The following SGMS1 variants were observed in gnomAD, a reference collection of about 807,000 sequenced individuals.
SGMS1 encodes the protein phosphatidylcholine:ceramide cholinephosphotransferase 1.
Under a neutral mutation model 46.2 loss-of-function variants are expected in SGMS1, and 13 were observed. That is an observed-to-expected ratio of 0.28 (90% CI 0.18 to 0.45). The LOEUF (loss-of-function observed/expected upper bound fraction) is 0.45, where lower values mean the gene tolerates loss of function less well. Among genes scored for constraint, SGMS1 ranks in the 20% least tolerant of loss-of-function variants. SGMS1 has a pLI of 1.00. For missense variants in SGMS1, 324 were observed against 519.9 expected (o/e 0.62, Z 3.66); for synonymous variants, 203 against 187.8 (o/e 1.08, Z -0.66).
At chr10:50,517,468 C>T (rs1247905489) in intron 3 of SGMS1, among the ~76,000 whole-genome samples, 2 of 151,858 alleles carry the variant, frequency 1.3e-5, no homozygotes, top group African/African-American at 4.8e-5. Context: ...GAACTAAAAG[C>T]TAAATCTTAA....
At chr10:50,581,084 T>C (rs1838429218) in intron 2 of SGMS1, among the ~76,000 whole-genome samples, 1 of 152,166 alleles carries the variant, frequency 6.6e-6, no homozygotes, top group Non-Finnish European at 1.5e-5. Flanking sequence ...GGGACCAAAT[T>C]TTAAGAACTA....
chr10:50,410,369 G>T (rs892241607), intron 6 of SGMS1, among the ~76,000 whole-genome samples: 1 of 152,196 alleles, frequency 6.6e-6, no homozygotes, highest in African/African-American at 2.4e-5. Context: ...GTCCAAGGCT[G>T]TCCTTTAGTC....
chr10:50,333,016 C>T (rs1441585079), intron 7 of SGMS1, among the ~76,000 whole-genome samples: 1 of 152,192 alleles, frequency 6.6e-6, no homozygotes, highest in African/African-American at 2.4e-5. Flanking sequence ...ATTATGTCTG[C>T]TATAATCCTA....
At chr10:50,534,863 C>T (rs1837985852) in intron 2 of SGMS1, among the ~76,000 whole-genome samples, 1 of 152,116 alleles carries the variant, frequency 6.6e-6, no homozygotes, top group Non-Finnish European at 1.5e-5. Flanking sequence ...GTTTTGTATC[C>T]ACAGCAACTC....
At position 50,623,939 on chromosome 10, in the gene SGMS1, C is replaced by G. The variant is rs1410855662; in HGVS notation, c.-916G>C. The G allele has an allele frequency of 2.9e-5, 29 of 986,226 alleles. No individual in the cohort carries two copies. The highest frequency in any genetic ancestry group is 3.4e-5 in the Non-Finnish European group (28 of 830,608). The allele number at this position is 986,226 out of a possible 1,614,324, so 61.1% of individuals were successfully genotyped here. The stretch of plus-strand genomic sequence containing the variant: ...TGGTGCGAACGCTTTCGACTTGCCA[C>G]CGCGAGCCTCCCGGGCTGCCGAGCA... On this transcript the variant is annotated 5_prime_UTR_variant, in exon 1 of 11. Coordinates refer to ENST00000361781, the MANE Select transcript of SGMS1 (RefSeq NM_147156.4).
chr10:50,388,631 A>G (rs1233828000), intron 6 of SGMS1, among the ~76,000 whole-genome samples: 1 of 152,132 alleles, frequency 6.6e-6, no homozygotes, highest in Non-Finnish European at 1.5e-5. Flanking sequence ...AAAACAAAAA[A>G]CAAAAACAGA....
intron 2 of SGMS1, among the ~76,000 whole-genome samples, chr10:50,534,531 G>A (rs1837982910): frequency 6.6e-6 from 1 of 152,176 alleles, no homozygotes; most frequent in Admixed American, 6.5e-5. Context: ...GTTTGACACA[G>A]TTCCAGTTTG....
intron 6 of SGMS1, among the ~76,000 whole-genome samples, chr10:50,426,599 G>C (rs1400419280): frequency 1.3e-5 from 2 of 152,156 alleles, no homozygotes; most frequent in East Asian, 3.8e-4. Context: ...GAAAGCCCCT[G>C]GTCCAAGATG....
intron 1 of SGMS1, among the ~76,000 whole-genome samples, chr10:50,620,561 G>A (rs941466813): frequency 2.0e-5 from 3 of 152,212 alleles, no homozygotes; most frequent in Non-Finnish European, 4.4e-5. Flanking sequence ...AAATGCAACA[G>A]ATTCTTCTGA....
intron 2 of SGMS1, among the ~76,000 whole-genome samples, chr10:50,574,986 A>ATATATATATATATATATATATAT (rs1838370891): frequency 5.8e-5 from 2 of 34,230 alleles, no homozygotes; most frequent in Non-Finnish European, 1.6e-4. Context: ...TATATATATA[A>ATATATATATATATATATATATAT]AACAAAGTAT....
intron 7 of SGMS1, among the ~76,000 whole-genome samples, chr10:50,339,929 T>C (rs1453952908): frequency 1.3e-5 from 2 of 152,200 alleles, no homozygotes; most frequent in East Asian, 1.9e-4. Context: ...GCTAAGGAGC[T>C]GGTTCTCCAT....
intron 5 of SGMS1, among the ~76,000 whole-genome samples, chr10:50,435,204 T>G (rs1015163834): frequency 6.6e-6 from 1 of 152,210 alleles, no homozygotes. Context: ...CCAAGTAATT[T>G]ATTCCTTCTA....
chr10:50,491,935 C>T (rs144247467), intron 3 of SGMS1, among the ~76,000 whole-genome samples: 18 of 152,246 alleles, frequency 1.2e-4, no homozygotes, highest in African/African-American at 4.3e-4. Flanking sequence ...ACTGACAAAC[C>T]AAATCCAGCA....
chr10:50,605,642 A>G (rs184453553), intron 1 of SGMS1, among the ~76,000 whole-genome samples: 44 of 152,360 alleles, frequency 2.9e-4, no homozygotes, highest in Admixed American at 2.0e-4. Context: ...AACACTGTTC[A>G]AAGTGGTGGG....
At chr10:50,330,643 T>G (rs10825753) in intron 7 of SGMS1, among the ~76,000 whole-genome samples, 25,973 of 152,280 alleles carry the variant, frequency 0.17, 2,465 homozygotes, top group Admixed American at 0.23. Flanking sequence ...CCTGGCCTCC[T>G]AGCTCTTTCT....
intron 9 of SGMS1, among the ~76,000 whole-genome samples, chr10:50,310,302 AC>A (rs34369700): frequency 2.0e-5 from 3 of 152,102 alleles, no homozygotes; most frequent in African/African-American, 7.2e-5. Flanking sequence ...CTTCATGGAA[AC>A]CCCCCTGTAT....
intron 2 of SGMS1, among the ~76,000 whole-genome samples, chr10:50,583,924 T>G (rs183618660): frequency 3.7e-4 from 57 of 152,346 alleles, no homozygotes; most frequent in African/African-American, 1.2e-3. Flanking sequence ...CTCCACATTA[T>G]GTAGAACAGA....
intron 6 of SGMS1, among the ~76,000 whole-genome samples, chr10:50,353,103 C>T (rs886731348): frequency 1.3e-5 from 2 of 152,216 alleles, no homozygotes; most frequent in Non-Finnish European, 2.9e-5. Context: ...CCAGCATCAT[C>T]CTGATACCAA....
At chr10:50,343,354 G>A (rs970574661) in intron 7 of SGMS1, 138 bp downstream of exon 7, 1 of 929,348 alleles carries the variant, frequency 1.1e-6, no homozygotes, top group African/African-American at 1.7e-5. Context: ...TAGTCCAACA[G>A]GGTATGTGTT....
Sources: gnomAD v4.1 joint callset for allele counts (sites outside exome capture counted in the v4.1 genomes callset) on GRCh38, gnomAD v4.1.1 for gene constraint, MANE v1.5 for transcripts, NCBI Gene and HGNC (gene_info 2026-07-23, HGNC 2026-07-21) for gene names.